AJAP1: variants seen among roughly 807,000 people sequenced by gnomAD.
AJAP1 encodes adherens junctions associated protein 1.
In AJAP1, 5 loss-of-function variants were observed where a neutral mutation model predicts 35.0. The observed-to-expected ratio is 0.14, with a 90% CI of 0.07 to 0.30. AJAP1 has a LOEUF of 0.30. Among genes scored for constraint, AJAP1 ranks in the 10% least tolerant of loss-of-function variants. The probability of loss-of-function intolerance (pLI) is 1.00; values close to 1 mark genes in which losing one functional copy is unlikely to be tolerated. For synonymous variants in AJAP1, 284 were observed against 249.3 expected (o/e 1.14, Z -1.31); for missense variants, 586 against 571.0 (o/e 1.03, Z -0.27).
chr1:4,710,437 ACACT>A (rs773144759), intron 1 of AJAP1, among the ~76,000 whole-genome samples: 7 of 149,044 alleles, frequency 4.7e-5, no homozygotes, highest in East Asian at 2.0e-4. Flanking sequence ...CCACACGCAC[ACACT>A]CACACCCAGT....
At chr1:4,698,180 G>A (rs1280089247) in intron 1 of AJAP1, among the ~76,000 whole-genome samples, 3 of 152,132 alleles carry the variant, frequency 2.0e-5, no homozygotes, top group Admixed American at 6.5e-5. Context: ...GTGTTTCCCC[G>A]TCACTATGTT....
At chr1:4,778,128 G>T (rs1641976749) in intron 5 of AJAP1, among the ~76,000 whole-genome samples, 1 of 152,242 alleles carries the variant, frequency 6.6e-6, no homozygotes, top group South Asian at 2.1e-4. Flanking sequence ...GCAGCCCAGT[G>T]GGGCCAGGCC....
chr1:4,673,613 G>A (rs1639293444), intron 1 of AJAP1, among the ~76,000 whole-genome samples: 1 of 152,182 alleles, frequency 6.6e-6, no homozygotes, highest in South Asian at 2.1e-4. Flanking sequence ...ATTTGGAGGT[G>A]TGGAGGGAGC....
intron 1 of AJAP1, among the ~76,000 whole-genome samples, chr1:4,657,720 G>A (rs945280187): frequency 1.4e-5 from 2 of 147,422 alleles, no homozygotes; most frequent in African/African-American, 5.0e-5. Flanking sequence ...CAGGGGGTGG[G>A]GGTGGGGGTG....
At chr1:4,762,890 A>AT (rs2100348965) in intron 2 of AJAP1, among the ~76,000 whole-genome samples, 1 of 152,282 alleles carries the variant, frequency 6.6e-6, no homozygotes, top group Admixed American at 6.5e-5. Flanking sequence ...CCCTCTACCA[A>AT]GAAACTTGGG....
At chr1:4,755,060 C>A (rs1641397703) in intron 2 of AJAP1, among the ~76,000 whole-genome samples, 1 of 152,180 alleles carries the variant, frequency 6.6e-6, no homozygotes, top group Non-Finnish European at 1.5e-5. Context: ...CATGTGCCCT[C>A]CCTGCAGCCC....
rs1037058300 is a variant in AJAP1, at chr1:4,790,919, TTTG to T, written c.*8437_*8439del. ...GTCTTCTCAGAAGTGTTTCTGTTTTTTTGTTTTTGTTTTTGTTTTTGTTTTTGT... is the reference window on the plus strand; with the variant it reads ...GTCTTCTCAGAAGTGTTTCTGTTTTTTTTTTGTTTTTGTTTTTGTTTTTGT... On this transcript the variant is annotated 3_prime_UTR_variant, in exon 6 of 6. Coordinates refer to ENST00000378191, the MANE Select transcript of AJAP1 (RefSeq NM_018836.4). 2.0e-5 allele frequency: 3 copies of T among 146,542 alleles called. No homozygotes were observed. The highest frequency in any genetic ancestry group is 7.6e-5 in the African/African-American group (3 of 39,730). The allele number at this position is 146,542 out of a possible 1,614,324, so 9.1% of individuals were successfully genotyped here.
rs1275715220 is a variant in AJAP1, at chr1:4,772,267, CTT to C, written c.918-11_918-10del. 1.9e-6 allele frequency: 3 copies of C among 1,613,578 alleles called. No individual in the cohort carries two copies. Among genetic ancestry groups the C allele is most frequent in the East Asian group, 4.5e-5 (2 of 44,856 alleles). On this transcript the variant is annotated splice_polypyrimidine_tract_variant and intron_variant, in intron 3 of 5. Transcript: ENST00000378191. ...TCTGCCCGTCCCCCTACCCCAAACT[CTT>C]TCTCTTCCAGCTGTGCCCAAAGCGG... is the stretch of plus-strand genomic sequence containing the variant.
intron 2 of AJAP1, among the ~76,000 whole-genome samples, chr1:4,726,286 C>G (rs928027301): frequency 1.3e-4 from 20 of 152,178 alleles, no homozygotes; most frequent in African/African-American, 4.8e-4. Flanking sequence ...TGGAGGGTAC[C>G]ACCCTGGGGG....
intron 2 of AJAP1, among the ~76,000 whole-genome samples, chr1:4,754,768 A>T (rs1641390999): frequency 6.6e-6 from 1 of 152,228 alleles, no homozygotes; most frequent in South Asian, 2.1e-4. Context: ...GCGCAAAGCA[A>T]GGAGTGGCCG....
At chr1:4,703,830 CAGG>C (rs925299248) in intron 1 of AJAP1, among the ~76,000 whole-genome samples, 12 of 152,306 alleles carry the variant, frequency 7.9e-5, no homozygotes, top group African/African-American at 2.6e-4. Context: ...TGCCACATTC[CAGG>C]AGAAGATACA....
chr1:4,682,446 G>A (rs1488635065), intron 1 of AJAP1, among the ~76,000 whole-genome samples: 2 of 152,164 alleles, frequency 1.3e-5, no homozygotes, highest in African/African-American at 2.4e-5. Context: ...CAGCCATGAG[G>A]CCCTATCAGC....
chr1:4,761,395 A>G (rs186181422), intron 2 of AJAP1, among the ~76,000 whole-genome samples: 2 of 152,288 alleles, frequency 1.3e-5, no homozygotes, highest in East Asian at 1.9e-4. Flanking sequence ...ATCTCCAAAT[A>G]CAAAGAAACC....
At chr1:4,697,052 G>A (rs958837267) in intron 1 of AJAP1, among the ~76,000 whole-genome samples, 4 of 152,116 alleles carry the variant, frequency 2.6e-5, no homozygotes, top group Admixed American at 2.0e-4. Flanking sequence ...GTGTTTGTGT[G>A]TGTATGTTAG....
At chr1:4,701,769 T>C (rs1446245031) in intron 1 of AJAP1, among the ~76,000 whole-genome samples, 1 of 152,210 alleles carries the variant, frequency 6.6e-6, no homozygotes, top group Non-Finnish European at 1.5e-5. Flanking sequence ...GATGCCGTTT[T>C]TACCATCTTC....
intron 2 of AJAP1, among the ~76,000 whole-genome samples, chr1:4,756,167 T>C (rs2100339724): frequency 6.6e-6 from 1 of 152,290 alleles, no homozygotes; most frequent in East Asian, 1.9e-4. Flanking sequence ...GCTGCATCAG[T>C]GAGCAAGCAC....
At chr1:4,662,394 T>C (rs1639018647) in intron 1 of AJAP1, among the ~76,000 whole-genome samples, 1 of 152,218 alleles carries the variant, frequency 6.6e-6, no homozygotes, top group Non-Finnish European at 1.5e-5. Flanking sequence ...GAGGTGTGTC[T>C]ACGCAGTAGC....
At chr1:4,743,556 A>ATCCATCCC (rs1242022774) in intron 2 of AJAP1, among the ~76,000 whole-genome samples, 1 of 152,150 alleles carries the variant, frequency 6.6e-6, no homozygotes, top group Non-Finnish European at 1.5e-5. Context: ...TCATCCATCC[A>ATCCATCCC]TCCATCCCTC....
At chr1:4,676,699 T>C (rs1032884917) in intron 1 of AJAP1, among the ~76,000 whole-genome samples, 1 of 152,108 alleles carries the variant, frequency 6.6e-6, no homozygotes, top group African/African-American at 2.4e-5. Flanking sequence ...CAACATACTC[T>C]CAAACAGATC....
Sources: gnomAD v4.1 joint callset for allele counts (sites outside exome capture counted in the v4.1 genomes callset) on GRCh38, gnomAD v4.1.1 for gene constraint, MANE v1.5 for transcripts, NCBI Gene and HGNC (gene_info 2026-07-23, HGNC 2026-07-21) for gene names.